The following SKOR2 variants were observed in gnomAD, a reference collection of about 807,000 sequenced individuals.
SKOR2 encodes the protein SKI family transcriptional corepressor 2.
Under a neutral mutation model 69.1 loss-of-function variants are expected in SKOR2, and 47 were observed. That is an observed-to-expected ratio of 0.68 (90% confidence interval 0.54 to 0.87). SKOR2 has a LOEUF of 0.87. Among genes scored for constraint, SKOR2 ranks in the 40% least tolerant of loss-of-function variants. The pLI, the probability that SKOR2 is intolerant of heterozygous loss-of-function variation, is 0.00. For missense variants in SKOR2, 1,404 were observed against 1,472.2 expected, an observed-to-expected ratio of 0.95 and a Z score of 0.76; for synonymous variants, 717 against 672.6, an observed-to-expected ratio of 1.07 and a Z score of -1.02.
chr18:47,226,100 G>T (rs954794319), intron 6 of SKOR2, among the ~76,000 whole-genome samples: 1 of 152,142 alleles, frequency 6.6e-6, no homozygotes. Context: ...CCTTTAGCAG[G>T]TCCCAGGTTT....
Position 47,248,933 on chromosome 18 carries a change from C to G in SKOR2, c.251G>C (p.Arg84Pro). Residue 84 changes from arginine to proline, a missense_variant, in exon 2 of 9, where the codon CGC (arginine) becomes CCC (proline). Arg to Pro is a moderately radical substitution (Grantham distance 103, BLOSUM62 -2). Transcript: ENST00000425639. The surrounding 1 kb of genome is among the most constrained non-coding windows in gnomAD (Gnocchi z 6.4). ...NFSYNEIHNR[R>P]VALGITCVQC... is the part of the protein sequence containing the mutation. Reference sequence around the variant, plus strand: ...CACACACGTGATGCCCAGTGCCACGCGACGGTTGTGGATCTCGTTGTAGCT... The same window carrying G: ...CACACACGTGATGCCCAGTGCCACGGGACGGTTGTGGATCTCGTTGTAGCT... 1 of 1,575,830 alleles carries G rather than the reference C, an allele frequency of 6.3e-7. No homozygotes were observed. The highest frequency in any genetic ancestry group is 8.6e-7 in the Non-Finnish European group (1 of 1,168,224).
In SKOR2 at chr18:47,247,945, G is replaced by C. The variant is rs1001749070; in HGVS notation, c.1239C>G (p.Ala413=). Reference sequence around the variant, plus strand: ...GGCACAAGCTGAAGGCGGCGGCCGCGGCAGGGAAGGTGTAGGGGTGCGGGA... The same window carrying C: ...GGCACAAGCTGAAGGCGGCGGCCGCCGCAGGGAAGGTGTAGGGGTGCGGGA... ...GLFPHPYTFP[A]AAAAFSLCHK... is the part of the protein sequence containing the mutation. The change falls in exon 2 of 9, where the codon GCC becomes GCG. Residue 413 remains alanine (A), a synonymous_variant. Coordinates refer to ENST00000425639, the MANE Select transcript of SKOR2 (RefSeq NM_001278063.4). The surrounding 1 kb of genome is among the most constrained non-coding windows in gnomAD (Gnocchi z 6.6). The C allele has an allele frequency of 4.4e-6, 6 of 1,363,172 alleles. No homozygotes were observed. The African/African-American group carries it at 6.1e-5, about 14-fold the overall frequency. 84.4% of individuals were successfully genotyped at this position (1,363,172 alleles called of 1,614,324 possible).
intron 7 of SKOR2, among the ~76,000 whole-genome samples, chr18:47,219,130 A>G (rs1425125107): frequency 6.6e-6 from 1 of 152,234 alleles, no homozygotes; most frequent in Non-Finnish European, 1.5e-5. Context: ...CAGAAATGTC[A>G]AGAAACCCAA....
intron 4 of SKOR2, chr18:47,234,354 T>C (rs977874628): frequency 2.0e-5 from 3 of 152,184 alleles, no homozygotes; most frequent in Non-Finnish European, 4.4e-5. Flanking sequence ...GGCTACATTT[T>C]ACTTTTTCAG....
At chr18:47,245,372 C>A in intron 3 of SKOR2, 126 bp downstream of exon 3, 3 of 828,748 alleles carry the variant, frequency 3.6e-6, no homozygotes, top group South Asian at 5.2e-5. Flanking sequence ...CAAAAAAGAG[C>A]CCACAAATCA....
At chr18:47,213,398 A>G (rs905608559) in intron 7 of SKOR2, among the ~76,000 whole-genome samples, 3 of 147,920 alleles carry the variant, frequency 2.0e-5, no homozygotes, top group Non-Finnish European at 4.5e-5. Flanking sequence ...TATATATATC[A>G]TATAAATATT....
At chr18:47,234,842 CAG>C (rs2064214831) in intron 4 of SKOR2, among the ~76,000 whole-genome samples, 2 of 121,794 alleles carry the variant, frequency 1.6e-5, no homozygotes, top group South Asian at 2.8e-4. Context: ...GTCTGGGTGA[CAG>C]AGCAAAACTC....
At chr18:47,221,502 C>A (rs1265791875) in intron 6 of SKOR2, among the ~76,000 whole-genome samples, 1 of 152,192 alleles carries the variant, frequency 6.6e-6, no homozygotes, top group African/African-American at 2.4e-5. Flanking sequence ...GCCACCAAAC[C>A]ACTCTCCAGT....
At position 47,247,260 on chromosome 18, in the gene SKOR2, C is replaced by A; in HGVS notation, c.1924G>T (p.Ala642Ser). 1 of 1,478,062 alleles carries A rather than the reference C, an allele frequency of 6.8e-7. No individual in the cohort carries two copies. The allele number at this position is 1,478,062 out of a possible 1,614,324, so 91.6% of individuals were successfully genotyped here. A position where few individuals can be genotyped will look rare whatever the true frequency, so the allele number is the denominator to read the frequency against. The change falls in exon 2 of 9, where the codon GCG becomes TCG. Residue 642 changes from alanine (A) to serine (S), a missense_variant. By Grantham distance (99) the Ala-to-Ser change is moderately conservative. This residue lies in a region of SKOR2 where 1,266 missense variants were observed against 1,309.9 expected (regional missense o/e 0.97). Transcript: ENST00000425639. The surrounding 1 kb of genome is among the most constrained non-coding windows in gnomAD (Gnocchi z 6.6). Reference protein sequence around the residue: ...DAESLAKLHGASAGAPHSAQT... With the variant: ...DAESLAKLHGSSAGAPHSAQT... ...GCCGAGTGGGGCGCGCCCGCCGACGCCCCGTGCAGCTTGGCCAGGCTCTCC... is the reference window on the plus strand; with the variant it reads ...GCCGAGTGGGGCGCGCCCGCCGACGACCCGTGCAGCTTGGCCAGGCTCTCC...
chr18:47,238,925 A>G (rs2144505767), intron 4 of SKOR2, among the ~76,000 whole-genome samples: 1 of 152,362 alleles, frequency 6.6e-6, no homozygotes, highest in Non-Finnish European at 1.5e-5. Flanking sequence ...CAGCAGGCAC[A>G]GGGCCTGGCC....
chr18:47,245,584 T>C lies in SKOR2; in HGVS notation c.2614-23A>G. On this transcript the variant is annotated intron_variant, in intron 2 of 8. Coordinates refer to ENST00000425639, the MANE Select transcript of SKOR2 (RefSeq NM_001278063.4). ...ACTCTGTGTGGAAAAGAATTAGACA[T>C]ACAAATCAATGCCCGGATCAAACCA... 9 of 1,476,256 alleles carry C rather than the reference T, an allele frequency of 6.1e-6. No individual in the cohort carries two copies. The Middle Eastern group carries it at 1.2e-3, about 201-fold the overall frequency. 91.4% of individuals were successfully genotyped at this position (1,476,256 alleles called of 1,614,324 possible). A position where few individuals can be genotyped will look rare whatever the true frequency, so the allele number is the denominator to read the frequency against.
chr18:47,245,612 T>A, intron 2 of SKOR2, 51 bp from the exon 3 acceptor site: 1 of 1,450,526 alleles, frequency 6.9e-7, no homozygotes, highest in South Asian at 1.4e-5. Context: ...TCAAACCATA[T>A]GCTAATGTCA....
intron 7 of SKOR2, among the ~76,000 whole-genome samples, chr18:47,214,785 C>T (rs2064138716): frequency 6.6e-6 from 1 of 152,106 alleles, no homozygotes; most frequent in East Asian, 1.9e-4. Context: ...AGCAAATTCT[C>T]CCCAACTTGG....
In SKOR2 at chr18:47,230,701, G is replaced by T; in HGVS notation, c.2819-144C>A. On this transcript the variant is annotated intron_variant, in intron 5 of 8. Coordinates refer to ENST00000425639, the MANE Select transcript of SKOR2 (RefSeq NM_001278063.4). Reference sequence around the variant, plus strand: ...ATAGACATAGGATAGATTTTGTGCAGAAATCCATGAATATAAATCAATGTA... The same window carrying T: ...ATAGACATAGGATAGATTTTGTGCATAAATCCATGAATATAAATCAATGTA... The T allele has an allele frequency of 4.7e-6, 3 of 644,194 alleles. No homozygotes were observed. The East Asian group carries it at 8.6e-5, about 18-fold the overall frequency. The allele number at this position is 644,194 out of a possible 1,614,324, so 39.9% of individuals were successfully genotyped here. A position where few individuals can be genotyped will look rare whatever the true frequency, so the allele number is the denominator to read the frequency against.
chr18:47,218,931 C>T (rs1037726394), intron 7 of SKOR2, among the ~76,000 whole-genome samples: 5 of 152,136 alleles, frequency 3.3e-5, no homozygotes, highest in African/African-American at 1.2e-4. Context: ...CAAGGAAAAC[C>T]AATTGCTGCA....
Position 47,248,915 on chromosome 18 carries a change from G to T in SKOR2, c.269C>A (p.Thr90Lys). 1 of 1,572,872 alleles carries T rather than the reference G, an allele frequency of 6.4e-7. No individual in the cohort carries two copies. The highest frequency in any genetic ancestry group is 1.1e-5 in the South Asian group (1 of 87,004). ...TTGCACCGGCGTGCACTGCACACAC[G>T]TGATGCCCAGTGCCACGCGACGGTT... ...IHNRRVALGI[T>K]CVQCTPVQLE... Residue 90 changes from threonine to lysine, a missense_variant, in exon 2 of 9, where the codon ACG (threonine) becomes AAG (lysine). By Grantham distance (78) the Thr-to-Lys change is moderately conservative. Transcript: ENST00000425639. This position sits in a 1 kb window ranked among gnomAD's most constrained non-coding sequence, Gnocchi z 6.4.
intron 4 of SKOR2, among the ~76,000 whole-genome samples, chr18:47,241,745 T>TA (rs2144508779): frequency 6.6e-6 from 1 of 152,342 alleles, no homozygotes; most frequent in Non-Finnish European, 1.5e-5. Flanking sequence ...AATATATTTT[T>TA]ATCCCTTCCA....
intron 4 of SKOR2, among the ~76,000 whole-genome samples, chr18:47,235,171 C>T (rs187443742): frequency 1.3e-5 from 2 of 152,090 alleles, no homozygotes; most frequent in African/African-American, 2.4e-5. Context: ...TACCAGACTG[C>T]GCAACATGGC....
chr18:47,216,544 C>G (rs140166551), intron 7 of SKOR2, among the ~76,000 whole-genome samples: 10 of 151,934 alleles, frequency 6.6e-5, no homozygotes, highest in Admixed American at 6.6e-4. Context: ...ACATTTAACA[C>G]GGGAAAAAGA....
Sources: gnomAD v4.1 joint callset for allele counts (sites outside exome capture counted in the v4.1 genomes callset) on GRCh38, gnomAD v4.1.1 for gene constraint, gnomAD v4.1.1 regional missense constraint, Gnocchi (gnomAD v3.1) non-coding constraint, MANE v1.5 for transcripts, NCBI Gene and HGNC (gene_info 2026-07-23, HGNC 2026-07-21) for gene names.